Variants in ZNF385B observed in about 807,000 individuals in gnomAD.
The protein encoded by ZNF385B is zinc finger protein 385B, also known as zinc finger protein 533.
In ZNF385B, 23 loss-of-function variants were observed where a neutral mutation model predicts 39.2. The ratio of observed to expected loss-of-function variants is 0.59; its 90% confidence interval spans 0.42 to 0.83. The LOEUF (loss-of-function observed/expected upper bound fraction) is 0.83, where lower values mean the gene tolerates loss of function less well. ZNF385B is among the 40% of genes least tolerant of loss of function. The pLI is 0.00. For synonymous variants in ZNF385B, 205 were observed against 222.6 expected, an observed-to-expected ratio of 0.92 and a Z score of 0.70; for missense variants, 552 against 598.9, an observed-to-expected ratio of 0.92 and a Z score of 0.82.
chr2:179,747,420 A>G (rs1057423158), intron 3 of ZNF385B, among the ~76,000 whole-genome samples: 3 of 151,994 alleles, frequency 2.0e-5, no homozygotes, highest in Admixed American at 2.0e-4. Context: ...CCTGAATTCT[A>G]TTTGTCACCT....
chr2:179,447,371 C>G (rs1032284665), intron 6 of ZNF385B, among the ~76,000 whole-genome samples: 22 of 152,124 alleles, frequency 1.4e-4, no homozygotes, highest in African/African-American at 5.3e-4. Flanking sequence ...TATTAATTAC[C>G]ACCAGTCTAA....
intron 6 of ZNF385B, among the ~76,000 whole-genome samples, chr2:179,472,719 G>A (rs1352974615): frequency 6.6e-6 from 1 of 152,158 alleles, no homozygotes; most frequent in Non-Finnish European, 1.5e-5. Flanking sequence ...AATTCAGCAG[G>A]GACTTTTCAG....
At chr2:179,777,961 C>T (rs540928726) in intron 1 of ZNF385B, among the ~76,000 whole-genome samples, 8 of 151,994 alleles carry the variant, frequency 5.3e-5, no homozygotes, top group East Asian at 1.9e-4. Flanking sequence ...TTAGTAGAGA[C>T]GGCTTCACCA....
chr2:179,494,027 A>G lies in ZNF385B; in HGVS notation c.553-10593T>C, dbSNP rs10181600. ...TTTATATATATATTAGTGTTAACAG[A>G]TAAGTGATACACCTATGAACATGTT... On this transcript the variant is annotated intron_variant, in intron 5 of 9. Transcript: ENST00000410066. Among the ~76,000 whole-genome samples the G allele has an allele frequency of 2.9e-3, 437 of 151,796 alleles. 2 individuals carry two copies. The highest frequency in any genetic ancestry group is 7.0e-3 in the African/African-American group (290 of 41,490).
At chr2:179,747,119 A>G (rs1239183849) in intron 3 of ZNF385B, among the ~76,000 whole-genome samples, 1 of 152,080 alleles carries the variant, frequency 6.6e-6, no homozygotes, top group Non-Finnish European at 1.5e-5. Context: ...AGTTCTAGTA[A>G]TCCTACCAGC....
chr2:179,797,531 A>T (rs1020492910), intron 1 of ZNF385B, among the ~76,000 whole-genome samples: 15 of 152,186 alleles, frequency 9.9e-5, no homozygotes, highest in African/African-American at 3.6e-4. Flanking sequence ...TAAGGTCCAA[A>T]TAGTTCAGTT....
At chr2:179,749,188 G>T (rs1216906506) in intron 3 of ZNF385B, among the ~76,000 whole-genome samples, 1 of 151,686 alleles carries the variant, frequency 6.6e-6, no homozygotes, top group Non-Finnish European at 1.5e-5. Context: ...TAAAAAAAAA[G>T]CTCCCTATAC....
At chr2:179,496,331 C>A (rs1053247310) in intron 5 of ZNF385B, among the ~76,000 whole-genome samples, 1 of 151,930 alleles carries the variant, frequency 6.6e-6, no homozygotes, top group Non-Finnish European at 1.5e-5. Flanking sequence ...ATGAAGTATA[C>A]CCACAGGATC....
intron 3 of ZNF385B, among the ~76,000 whole-genome samples, chr2:179,718,608 C>T (rs534026478): frequency 6.7e-6 from 1 of 150,076 alleles, no homozygotes; most frequent in African/African-American, 2.4e-5. Flanking sequence ...AAATGTACTA[C>T]TTTTACAGTT....
In ZNF385B at chr2:179,636,783, T is replaced by C. The variant is rs1173034419; in HGVS notation, c.299-91814A>G. 2.6e-5 allele frequency among the ~76,000 whole-genome samples: 4 copies of C among 152,290 alleles called. No homozygotes were observed. The East Asian group carries it at 5.8e-4, about 22-fold the overall frequency. The stretch of plus-strand genomic sequence containing the variant: ...TTCCTTTAATATTTAACTTTGACTC[T>C]TTGACTGCATCCTCAGGAGTCCTCA... On this transcript the variant is annotated intron_variant, in intron 3 of 9. Coordinates refer to ENST00000410066, the MANE Select transcript of ZNF385B (RefSeq NM_152520.6).
chr2:179,761,691 A>C (rs1191928399), intron 3 of ZNF385B, among the ~76,000 whole-genome samples: 1 of 150,018 alleles, frequency 6.7e-6, no homozygotes, highest in African/African-American at 2.5e-5. Context: ...CAATCCTCCC[A>C]CCACAGCCTC....
chr2:179,507,268 A>G (rs1051551200), intron 5 of ZNF385B, among the ~76,000 whole-genome samples: 2 of 152,150 alleles, frequency 1.3e-5, no homozygotes, highest in African/African-American at 4.8e-5. Flanking sequence ...AAAATTTTAC[A>G]TAGTTTTAGG....
In ZNF385B at chr2:179,520,404, T is replaced by C. The variant is rs115668342; in HGVS notation, c.442-1766A>G. 5.3e-3 allele frequency among the ~76,000 whole-genome samples: 814 copies of C among 152,226 alleles called. 4 individuals carry two copies. The highest frequency in any genetic ancestry group is 0.019 in the African/African-American group (773 of 41,560). On this transcript the variant is annotated intron_variant, in intron 4 of 9. Coordinates refer to ENST00000410066, the MANE Select transcript of ZNF385B (RefSeq NM_152520.6). ...ATCTAGGGATTCATACTGTTGAAGG[T>C]CATAACTGATTGTATTAAATTTTAT...
chr2:179,829,167 A>C (rs982630261), intron 1 of ZNF385B, among the ~76,000 whole-genome samples: 5 of 152,202 alleles, frequency 3.3e-5, no homozygotes, highest in Non-Finnish European at 7.3e-5. Context: ...GTAAAAGACC[A>C]AATGTCAAAA....
intron 1 of ZNF385B, among the ~76,000 whole-genome samples, chr2:179,823,540 T>C (rs1707518683): frequency 6.6e-6 from 1 of 152,146 alleles, no homozygotes; most frequent in African/African-American, 2.4e-5. Context: ...GTTCTGTTTA[T>C]TGGTATTACT....
intron 3 of ZNF385B, among the ~76,000 whole-genome samples, chr2:179,689,733 G>A (rs773322410): frequency 3.9e-4 from 59 of 151,860 alleles, no homozygotes; most frequent in Admixed American, 1.1e-3. Flanking sequence ...ATTAATGTTA[G>A]CCACCAGCAA....
At chr2:179,576,139 C>G (rs1685787582) in intron 3 of ZNF385B, 1 of 985,276 alleles carries the variant, frequency 1.0e-6, no homozygotes, top group Non-Finnish European at 1.2e-6. Context: ...CAAAACGTCT[C>G]AAATCCATCC....
At chr2:179,524,322 G>T (rs2058718201) in intron 4 of ZNF385B, among the ~76,000 whole-genome samples, 1 of 151,866 alleles carries the variant, frequency 6.6e-6, no homozygotes, top group Admixed American at 6.6e-5. Context: ...GGAAGCTGAG[G>T]CCGGCGGATC....
intron 3 of ZNF385B, among the ~76,000 whole-genome samples, chr2:179,685,058 C>T (rs1697818545): frequency 6.6e-6 from 1 of 152,154 alleles, no homozygotes; most frequent in Non-Finnish European, 1.5e-5. Flanking sequence ...TTGTCTATAT[C>T]TAATTGAAGA....
Sources: allele counts gnomAD v4.1 joint callset (sites outside exome capture counted in the v4.1 genomes callset), GRCh38; gene constraint gnomAD v4.1.1; transcripts MANE v1.5; gene names NCBI Gene and HGNC (gene_info 2026-07-23, HGNC 2026-07-21).